The following TXLNB variants were observed in gnomAD, a reference collection of about 807,000 sequenced individuals.
TXLNB encodes beta-taxilin.
Under a neutral mutation model 57.4 loss-of-function variants are expected in TXLNB, and 37 were observed. That is an observed-to-expected ratio of 0.64 (90% CI 0.50 to 0.85). The LOEUF (loss-of-function observed/expected upper bound fraction) is 0.85. TXLNB is among the 40% of genes least tolerant of loss of function. TXLNB has a pLI of 0.00. For missense variants in TXLNB, 848 were observed against 825.6 expected, an observed-to-expected ratio of 1.03 and a Z score of -0.33; for synonymous variants, 302 against 309.6, an observed-to-expected ratio of 0.98 and a Z score of 0.26.
the TXLNB span, chr6:139,179,958 A>G: frequency 6.6e-6 from 1 of 152,336 alleles, no homozygotes; most frequent in Admixed American, 6.5e-5. Context: ...TTGAGCAGAT[A>G]CAATGATCTG....
At chr6:139,249,841 C>G (rs1319581576) in intron 7 of TXLNB, among the ~76,000 whole-genome samples, 3 of 151,972 alleles carry the variant, frequency 2.0e-5, no homozygotes, top group Non-Finnish European at 4.4e-5. Flanking sequence ...TGTGACAGAA[C>G]CGAAATTTGT....
At chr6:139,208,225 C>A in the TXLNB span, among the ~76,000 whole-genome samples, 42 of 152,060 alleles carry the variant, frequency 2.8e-4, no homozygotes, top group Middle Eastern at 0.014. Flanking sequence ...AAATATACAA[C>A]CCTTCTAGAT....
chr6:139,260,421 A>C lies in TXLNB; in HGVS notation c.899T>G (p.Phe300Cys), dbSNP rs1448825892. 1 of 1,614,082 alleles carries C rather than the reference A, an allele frequency of 6.2e-7. No individual in the cohort carries two copies. Among genetic ancestry groups the C allele is most frequent in the Admixed American group, 1.7e-5 (1 of 59,992 alleles). Reference sequence around the variant, plus strand: ...CTTCTGCTGCAGTTCTCTGTGTTTAAATATTTTGTCCAGATGCTAAGAAAA... The same window carrying C: ...CTTCTGCTGCAGTTCTCTGTGTTTACATATTTTGTCCAGATGCTAAGAAAA... ...ELREEHLDKI[F>C]KHRELQQKLV... The change falls in exon 6 of 10, where the codon TTT (phenylalanine) becomes TGT (cysteine). Residue 300 changes from phenylalanine (F) to cysteine (C), a missense_variant. Transcript: ENST00000358430.
At chr6:139,248,259 C>A (rs562053291) in intron 7 of TXLNB, among the ~76,000 whole-genome samples, 94 of 145,480 alleles carry the variant, frequency 6.5e-4, no homozygotes, top group African/African-American at 2.4e-3. Context: ...GGCGACAGAG[C>A]GAGACTCCGT....
At chr6:139,288,164 AG>A (rs1282744589) in intron 2 of TXLNB, among the ~76,000 whole-genome samples, 1 of 152,220 alleles carries the variant, frequency 6.6e-6, no homozygotes, top group Admixed American at 6.5e-5. Context: ...TGTAGGGTAG[AG>A]TAATCTGAGA....
the TXLNB span, among the ~76,000 whole-genome samples, chr6:139,164,715 GGGGAAGGC>G: frequency 6.6e-6 from 1 of 152,116 alleles, no homozygotes; most frequent in Non-Finnish European, 1.5e-5. Context: ...AGACACAAGT[GGGGAAGGC>G]TGTTAGTTGT....
chr6:139,202,392 A>G, the TXLNB span, among the ~76,000 whole-genome samples: 12 of 152,226 alleles, frequency 7.9e-5, no homozygotes, highest in African/African-American at 2.9e-4. Context: ...AATGGGACCT[A>G]AACAAATAAA....
the TXLNB span, among the ~76,000 whole-genome samples, chr6:139,159,411 T>C: frequency 6.6e-6 from 1 of 152,188 alleles, no homozygotes; most frequent in Non-Finnish European, 1.5e-5. Flanking sequence ...TTTACACAGC[T>C]AGTATCCCAT....
At chr6:139,228,246 T>C in the TXLNB span, among the ~76,000 whole-genome samples, 10 of 152,296 alleles carry the variant, frequency 6.6e-5, no homozygotes, top group East Asian at 1.9e-3. Flanking sequence ...CTGGGCGCAG[T>C]GGCTCACACC....
chr6:139,260,547 GAA>G, intron 5 of TXLNB, 110 bp from the exon 6 acceptor site: 1 of 1,197,580 alleles, frequency 8.4e-7, no homozygotes, highest in Non-Finnish European at 1.2e-6. Context: ...AGATTTAAAA[GAA>G]GAGAGGGATA....
the TXLNB span, among the ~76,000 whole-genome samples, chr6:139,186,453 G>A: frequency 6.6e-6 from 1 of 152,000 alleles, no homozygotes; most frequent in Non-Finnish European, 1.5e-5. Flanking sequence ...CCACAATGAG[G>A]TACCACTTCA....
the TXLNB span, among the ~76,000 whole-genome samples, chr6:139,300,325 G>A: frequency 6.6e-6 from 1 of 152,120 alleles, no homozygotes; most frequent in Admixed American, 6.5e-5. Flanking sequence ...TAACAATTTG[G>A]TGTGGCTTTG....
chr6:139,319,807 A>C, the TXLNB span, among the ~76,000 whole-genome samples: 2 of 152,118 alleles, frequency 1.3e-5, no homozygotes, highest in Admixed American at 6.6e-5. Context: ...AGAACAAGTA[A>C]ATCCTTTTAA....
chr6:139,321,949 G>C, the TXLNB span, among the ~76,000 whole-genome samples: 1 of 150,328 alleles, frequency 6.7e-6, no homozygotes, highest in Non-Finnish European at 1.5e-5. Context: ...CTACTCTCTT[G>C]AACTACAGAT....
chr6:139,208,341 T>C, the TXLNB span, among the ~76,000 whole-genome samples: 1 of 152,168 alleles, frequency 6.6e-6, no homozygotes, highest in African/African-American at 2.4e-5. Context: ...ACCAGATGGA[T>C]TCACTGCTGA....
chr6:139,272,059 T>C lies in TXLNB; in HGVS notation c.517-1433A>G, dbSNP rs376628274. On this transcript the variant is annotated intron_variant, in intron 3 of 9. Coordinates refer to ENST00000358430, the MANE Select transcript of TXLNB (RefSeq NM_153235.4). ...CGTGGTGGCTCATGCCTGTAATCCCTGCACTTTTGGATGCTGAGGCAGGCA... is the reference window on the plus strand; with the variant it reads ...CGTGGTGGCTCATGCCTGTAATCCCCGCACTTTTGGATGCTGAGGCAGGCA... 3.9e-5 allele frequency among the ~76,000 whole-genome samples: 6 copies of C among 152,102 alleles called. No homozygotes were observed. In the East Asian group the frequency reaches 1.2e-3, roughly 29 times the overall value.
At chr6:139,322,546 C>G in the TXLNB span, among the ~76,000 whole-genome samples, 11 of 152,192 alleles carry the variant, frequency 7.2e-5, no homozygotes, top group African/African-American at 2.7e-4. Flanking sequence ...TAGAAAATGG[C>G]AACTCCATCC....
At chr6:139,319,896 G>C in the TXLNB span, among the ~76,000 whole-genome samples, 1 of 151,912 alleles carries the variant, frequency 6.6e-6, no homozygotes. Context: ...ATTTAGAAAG[G>C]ATTAGCAATA....
At chr6:139,255,041 C>T (rs143302484) in intron 7 of TXLNB, among the ~76,000 whole-genome samples, 13,491 of 152,144 alleles carry the variant, frequency 0.089, 904 homozygotes, top group African/African-American at 0.18. Context: ...AGGCTGGTCT[C>T]GAACTCCTGA....
Sources: allele counts gnomAD v4.1 joint callset (sites outside exome capture counted in the v4.1 genomes callset), GRCh38; gene constraint gnomAD v4.1.1; transcripts MANE v1.5; gene names NCBI Gene and HGNC (gene_info 2026-07-23, HGNC 2026-07-21).